The following PLEKHM1 variants were observed in gnomAD, a reference collection of about 807,000 sequenced individuals.
PLEKHM1 encodes pleckstrin homology and RUN domain containing M1, also known as pleckstrin homology domain-containing family M member 1.
In PLEKHM1, 28 loss-of-function variants were observed where a neutral mutation model predicts 94.3. The observed-to-expected ratio is 0.30, with a 90% CI of 0.22 to 0.41. PLEKHM1 has a LOEUF of 0.41. Ranked by LOEUF, PLEKHM1 falls within the 10% of genes least tolerant of loss-of-function variation. The probability of loss-of-function intolerance (pLI) is 1.00; values close to 1 mark genes in which losing one functional copy is unlikely to be tolerated. For synonymous variants in PLEKHM1, 424 were observed against 581.2 expected, an observed-to-expected ratio of 0.73 and a Z score of 3.89; for missense variants, 907 against 1,358.6, an observed-to-expected ratio of 0.67 and a Z score of 5.22.
chr17:45,456,765 C>T (rs1358736593), intron 6 of PLEKHM1, among the ~76,000 whole-genome samples: 1 of 152,182 alleles, frequency 6.6e-6, no homozygotes, highest in Non-Finnish European at 1.5e-5. Flanking sequence ...AATTCTAGAG[C>T]GTACTTTTTT....
intron 4 of PLEKHM1, among the ~76,000 whole-genome samples, chr17:45,471,613 G>C (rs1449495438): frequency 2.6e-5 from 4 of 151,960 alleles, no homozygotes; most frequent in Admixed American, 2.6e-4. Context: ...AAAATTAGCT[G>C]GGTGTGGTGG....
intron 9 of PLEKHM1, 83 bp from the exon 10 acceptor site, chr17:45,440,309 G>T: frequency 7.3e-7 from 1 of 1,375,880 alleles, no homozygotes; most frequent in Non-Finnish European, 1.0e-6. Flanking sequence ...CTCCCCTGGC[G>T]CTGCTCACCA....
In PLEKHM1 at chr17:45,437,138, T is replaced by C. The variant is rs2050283854; in HGVS notation, c.*720A>G. 2.2e-6 allele frequency: 1 copy of C among 453,796 alleles called. No homozygotes were observed. The highest frequency in any genetic ancestry group is 2.4e-5 in the Admixed American group (1 of 42,530). The allele number at this position is 453,796 out of a possible 1,614,324, so 28.1% of individuals were successfully genotyped here. ...CCCAGGCTAGAGAAGAGCTAGGGGC[T>C]CTGACGCTGAGAAAGCGGTGGGCTC... On this transcript the variant is annotated 3_prime_UTR_variant, in exon 12 of 12. Coordinates refer to ENST00000430334, the MANE Select transcript of PLEKHM1 (RefSeq NM_014798.3). This position sits in a 1 kb window ranked among gnomAD's most constrained non-coding sequence, Gnocchi z 4.0.
rs188919605 is a variant in PLEKHM1 at position 45,443,494 on chromosome 17, G to A, written c.2837+1976C>T. ...CACAGGCATGGGAAGCAGGCTGAGC[G>A]CCTAGCAGGAGTACAGCGCTGCTGC... On this transcript the variant is annotated intron_variant, in intron 9 of 11. Transcript: ENST00000430334. 2.6e-3 allele frequency among the ~76,000 whole-genome samples: 391 copies of A among 152,380 alleles called. 1 individual carries two copies. Among genetic ancestry groups the A allele is most frequent in the East Asian group, 0.019 (100 of 5,192 alleles).
chr17:45,459,043 G>A (rs1421728046), intron 5 of PLEKHM1, among the ~76,000 whole-genome samples: 4 of 151,948 alleles, frequency 2.6e-5, no homozygotes, highest in Admixed American at 6.6e-5. Flanking sequence ...CGGGAGAATC[G>A]CTTGAGCCAG....
rs773486672 is a variant in PLEKHM1 at position 45,437,128 on chromosome 17, A to C, written c.*730T>G. The C allele has an allele frequency of 4.4e-6, 2 of 454,276 alleles. No homozygotes were observed. Among genetic ancestry groups the C allele is most frequent in the South Asian group, 3.1e-5 (2 of 64,474 alleles). The allele number at this position is 454,276 out of a possible 1,614,324, so 28.1% of individuals were successfully genotyped here. A position where few individuals can be genotyped will look rare whatever the true frequency, so the allele number is the denominator to read the frequency against. On this transcript the variant is annotated 3_prime_UTR_variant, in exon 12 of 12. Coordinates refer to ENST00000430334, the MANE Select transcript of PLEKHM1 (RefSeq NM_014798.3). This position sits in a 1 kb window ranked among gnomAD's most constrained non-coding sequence, Gnocchi z 4.0. ...GGGCCAAGGCCCCAGGCTAGAGAAG[A>C]GCTAGGGGCTCTGACGCTGAGAAAG...
intron 5 of PLEKHM1, among the ~76,000 whole-genome samples, 182 bp downstream of exon 5, chr17:45,468,027 T>C (rs1403493124): frequency 9.2e-5 from 14 of 152,190 alleles, no homozygotes; most frequent in African/African-American, 2.9e-4. Context: ...CGGGCTTATA[T>C]CTACAGCTCA....
intron 3 of PLEKHM1, chr17:45,477,682 G>C (rs1426024291): frequency 1.7e-6 from 1 of 603,476 alleles, no homozygotes; most frequent in African/African-American, 1.8e-5. Flanking sequence ...GCTCTTGCCT[G>C]AGTGCTGAGG....
intron 1 of PLEKHM1, among the ~76,000 whole-genome samples, 186 bp from the exon 2 acceptor site, chr17:45,482,711 G>A (rs2051993433): frequency 6.6e-6 from 1 of 152,152 alleles, no homozygotes; most frequent in Admixed American, 6.5e-5. Flanking sequence ...AAAGCCCAGG[G>A]GGCTTAGTCG....
chr17:45,438,045 T>A, intron 11 of PLEKHM1, 76 bp from the exon 12 acceptor site: 1 of 1,097,024 alleles, frequency 9.1e-7, no homozygotes, highest in East Asian at 2.4e-5. Context: ...CCAGCCCTTT[T>A]GACCAGAACC....
chr17:45,465,237 G>C (rs900684913), intron 5 of PLEKHM1, among the ~76,000 whole-genome samples: 32 of 151,826 alleles, frequency 2.1e-4, no homozygotes, highest in African/African-American at 7.0e-4. Context: ...AAATAAACAA[G>C]GAGACAAAGA....
Position 45,463,339 on chromosome 17 carries a change from C to A in PLEKHM1, c.1308+4870G>T, listed in dbSNP as rs370930809. ...CCCCTGGCCCCAGGCAGGTGGGGAG[C>A]AGAGAGAGGGTGTGAGAGAGAGTGC... On this transcript the variant is annotated intron_variant, in intron 5 of 11. Transcript: ENST00000430334. 2.5e-3 allele frequency among the ~76,000 whole-genome samples: 374 copies of A among 152,256 alleles called. 1 individual carries two copies. Among genetic ancestry groups the A allele is most frequent in the African/African-American group, 8.4e-3 (350 of 41,546 alleles).
chr17:45,488,345 C>G (rs1443199552), intron 1 of PLEKHM1, among the ~76,000 whole-genome samples: 3 of 152,192 alleles, frequency 2.0e-5, no homozygotes, highest in African/African-American at 4.8e-5. Flanking sequence ...GTACCTGGAA[C>G]AGTGTTTGTC....
chr17:45,483,109 G>A (rs566303697), intron 1 of PLEKHM1, among the ~76,000 whole-genome samples: 1 of 151,966 alleles, frequency 6.6e-6, no homozygotes, highest in South Asian at 2.1e-4. Context: ...TTTGGGCTTC[G>A]AGGGTCTGGC....
intron 4 of PLEKHM1, among the ~76,000 whole-genome samples, chr17:45,473,734 A>G (rs1235691345): frequency 1.3e-5 from 2 of 151,650 alleles, no homozygotes; most frequent in African/African-American, 4.8e-5. Context: ...AATTTTTTGT[A>G]TTTTTAGTAG....
chr17:45,486,767 C>T (rs1225131181), intron 1 of PLEKHM1, among the ~76,000 whole-genome samples: 1 of 152,060 alleles, frequency 6.6e-6, no homozygotes, highest in African/African-American at 2.4e-5. Context: ...CAATGCAGGA[C>T]ACCTCTGTTT....
At chr17:45,442,605 A>G (rs994424777) in intron 9 of PLEKHM1, among the ~76,000 whole-genome samples, 1 of 152,116 alleles carries the variant, frequency 6.6e-6, no homozygotes, top group African/African-American at 2.4e-5. Flanking sequence ...GGGTTTCACT[A>G]TGTTGGCCAG....
chr17:45,447,167 G>C (rs902890833), intron 8 of PLEKHM1, among the ~76,000 whole-genome samples: 1 of 152,192 alleles, frequency 6.6e-6, no homozygotes, highest in Non-Finnish European at 1.5e-5. Flanking sequence ...TCCCCTTGAG[G>C]GTTGGGGGAC....
At chr17:45,479,354 C>T (rs1178261050) in intron 2 of PLEKHM1, among the ~76,000 whole-genome samples, 1 of 151,836 alleles carries the variant, frequency 6.6e-6, no homozygotes, top group African/African-American at 2.4e-5. Context: ...CCCATCTCTA[C>T]TAAAAATGCA....
Sources: allele counts gnomAD v4.1 joint callset (sites outside exome capture counted in the v4.1 genomes callset), GRCh38; gene constraint gnomAD v4.1.1; non-coding constraint Gnocchi (gnomAD v3.1); transcripts MANE v1.5; gene names NCBI Gene and HGNC (gene_info 2026-07-23, HGNC 2026-07-21).